Variants in SNAP91 observed in about 807,000 individuals in gnomAD.
SNAP91 encodes the protein synaptosome associated protein 91.
Under a neutral mutation model 100.3 loss-of-function variants are expected in SNAP91, and 27 were observed. The observed-to-expected ratio is 0.27, with a 90% CI of 0.20 to 0.37. The LOEUF is 0.37. Among genes scored for constraint, SNAP91 ranks in the 10% least tolerant of loss-of-function variants. The pLI is 1.00. For missense variants in SNAP91, 986 were observed against 1,123.7 expected (o/e 0.88, Z 1.75); for synonymous variants, 404 against 398.6 (o/e 1.01, Z -0.16).
chr6:83,568,128 A>C (rs1799810292), intron 26 of SNAP91, among the ~76,000 whole-genome samples: 1 of 152,146 alleles, frequency 6.6e-6, no homozygotes, highest in Admixed American at 6.5e-5. Flanking sequence ...GGATTAAGAA[A>C]ATGTGGCACA....
intron 2 of SNAP91, among the ~76,000 whole-genome samples, chr6:83,701,295 C>T (rs1168867496): frequency 2.0e-5 from 3 of 152,010 alleles, no homozygotes; most frequent in Non-Finnish European, 4.4e-5. Flanking sequence ...GAGAGAATAA[C>T]TCATGTAGAA....
chr6:83,605,579 A>C, intron 14 of SNAP91, 106 bp downstream of exon 14: 1 of 1,422,248 alleles, frequency 7.0e-7, no homozygotes, highest in Non-Finnish European at 9.5e-7. Flanking sequence ...CAAGTTTCTA[A>C]TACCATTTTA....
At chr6:83,677,027 C>A (rs1418577855) in intron 2 of SNAP91, among the ~76,000 whole-genome samples, 1 of 152,114 alleles carries the variant, frequency 6.6e-6, no homozygotes, top group Non-Finnish European at 1.5e-5. Flanking sequence ...GGACAAAATA[C>A]CTCTTGTACA....
intron 9 of SNAP91, among the ~76,000 whole-genome samples, chr6:83,621,597 G>A (rs936189283): frequency 6.6e-6 from 1 of 152,016 alleles, no homozygotes; most frequent in African/African-American, 2.4e-5. Flanking sequence ...GACTATAATA[G>A]TATCATTAAA....
chr6:83,630,019 C>T (rs1214016656), intron 8 of SNAP91, among the ~76,000 whole-genome samples: 7 of 151,896 alleles, frequency 4.6e-5, no homozygotes, highest in African/African-American at 9.7e-5. Context: ...TATTGATGTA[C>T]GTCCCTTGTA....
chr6:83,638,863 T>C (rs2128529741), intron 8 of SNAP91, among the ~76,000 whole-genome samples: 1 of 152,312 alleles, frequency 6.6e-6, no homozygotes, highest in East Asian at 1.9e-4. Context: ...GATTCCGATA[T>C]CTACCTTAGA....
At position 83,592,766 on chromosome 6, in the gene SNAP91, T is replaced by C. The variant is rs141764782; in HGVS notation, c.1846+180A>G. Among the ~76,000 whole-genome samples, 47 of 152,340 alleles carry C rather than the reference T, an allele frequency of 3.1e-4. 1 individual carries two copies. The East Asian group carries it at 8.1e-3, about 26-fold the overall frequency. On this transcript the variant is annotated intron_variant, in intron 20 of 29. Coordinates refer to ENST00000369694, the MANE Select transcript of SNAP91 (RefSeq NM_001242792.2). ...GTTTCAGTGTGAAAAAAATTTTCAC[T>C]AGCCTTAAATTTGAAATATTAACCC... is the stretch of plus-strand genomic sequence containing the variant.
chr6:83,561,219 AT>A (rs1256201267), intron 26 of SNAP91, among the ~76,000 whole-genome samples: 1 of 151,940 alleles, frequency 6.6e-6, no homozygotes, highest in African/African-American at 2.4e-5. Flanking sequence ...ATTTTTAAAA[AT>A]TTTTTTGTAG....
At chr6:83,643,761 G>A (rs1282013266) in intron 7 of SNAP91, among the ~76,000 whole-genome samples, 1 of 152,112 alleles carries the variant, frequency 6.6e-6, no homozygotes, top group African/African-American at 2.4e-5. Context: ...CAGTCTTTGG[G>A]TAATTTTAAC....
At chr6:83,628,589 T>C (rs766731083) in intron 8 of SNAP91, among the ~76,000 whole-genome samples, 1 of 152,014 alleles carries the variant, frequency 6.6e-6, no homozygotes, top group Admixed American at 6.6e-5. Context: ...GGTATCGCAT[T>C]GCAGTTTTGA....
At chr6:83,703,059 A>C (rs1227122388) in intron 2 of SNAP91, among the ~76,000 whole-genome samples, 1 of 152,110 alleles carries the variant, frequency 6.6e-6, no homozygotes, top group Non-Finnish European at 1.5e-5. Flanking sequence ...GCTTTTCAGA[A>C]GTGCATCTCC....
intron 24 of SNAP91, among the ~76,000 whole-genome samples, chr6:83,578,256 C>T (rs548741014): frequency 1.6e-4 from 25 of 152,080 alleles, no homozygotes; most frequent in Non-Finnish European, 3.1e-4. Context: ...CTGAGTCATA[C>T]GATAATCTAT....
At chr6:83,604,477 G>A (rs986425547) in intron 14 of SNAP91, among the ~76,000 whole-genome samples, 2 of 152,028 alleles carry the variant, frequency 1.3e-5, no homozygotes, top group African/African-American at 4.8e-5. Context: ...TTTCAGAACT[G>A]GTTATCTTTC....
chr6:83,686,568 G>T (rs914991605), intron 2 of SNAP91, among the ~76,000 whole-genome samples: 1 of 152,184 alleles, frequency 6.6e-6, no homozygotes, highest in Non-Finnish European at 1.5e-5. Context: ...TTGGGCCCAG[G>T]CCACTATATG....
intron 8 of SNAP91, among the ~76,000 whole-genome samples, chr6:83,635,139 G>A (rs977454983): frequency 6.6e-6 from 1 of 152,148 alleles, no homozygotes; most frequent in African/African-American, 2.4e-5. Flanking sequence ...GTAGTCTGTA[G>A]ATGTCTATTA....
Position 83,593,589 on chromosome 6 carries a change from C to CA in SNAP91, c.1584_1585insT (p.Val529CysfsTer38). On this transcript the variant is annotated frameshift_variant, in exon 18 of 30. Coordinates refer to ENST00000369694, the MANE Select transcript of SNAP91 (RefSeq NM_001242792.2). LOFTEE classifies it high-confidence loss of function. ...GTAGTGGCAGCAGCAGCAGCTGCAA[C>CA]GGCAGGAGCAGGAGAAGGAGCAGTT... is the stretch of plus-strand genomic sequence containing the variant. 1 of 1,570,474 alleles carries CA rather than the reference C, an allele frequency of 6.4e-7. No individual in the cohort carries two copies. Among genetic ancestry groups the CA allele is most frequent in the South Asian group, 1.2e-5 (1 of 86,394 alleles).
At position 83,635,185 on chromosome 6, in the gene SNAP91, ATTTC is replaced by A. The variant is rs931836763; in HGVS notation, c.765+5907_765+5910del. Reference sequence around the variant, plus strand: ...GTCTAGTGTCAAATTTAAGTTCATAATTTCTTTGTTAGTTTTCTGCCTCAATGAT... The same window carrying A: ...GTCTAGTGTCAAATTTAAGTTCATAATTTGTTAGTTTTCTGCCTCAATGAT... On this transcript the variant is annotated intron_variant, in intron 8 of 29. Coordinates refer to ENST00000369694, the MANE Select transcript of SNAP91 (RefSeq NM_001242792.2). Among the ~76,000 whole-genome samples, 9 of 151,976 alleles carry A rather than the reference ATTTC, an allele frequency of 5.9e-5. 1 individual carries two copies. The highest frequency in any genetic ancestry group is 3.9e-4 in the Admixed American group (6 of 15,262).
intron 2 of SNAP91, chr6:83,686,156 AAT>A (rs1310656559): frequency 1.3e-5 from 13 of 985,116 alleles, no homozygotes; most frequent in Non-Finnish European, 1.6e-5. Context: ...AGCCTTCCTT[AAT>A]ATCCCACAAT....
chr6:83,628,699 C>T (rs1020300232), intron 8 of SNAP91, among the ~76,000 whole-genome samples: 4 of 151,852 alleles, frequency 2.6e-5, no homozygotes, highest in African/African-American at 9.7e-5. Flanking sequence ...ATGTCCTTAG[C>T]CCACTTTTTG....
Sources: allele counts gnomAD v4.1 joint callset (sites outside exome capture counted in the v4.1 genomes callset), GRCh38; gene constraint gnomAD v4.1.1; transcripts MANE v1.5; gene names NCBI Gene and HGNC (gene_info 2026-07-23, HGNC 2026-07-21).